The following DNMT3B variants were observed in gnomAD, a reference collection of about 807,000 sequenced individuals.
DNMT3B encodes the protein DNA (cytosine-5)-methyltransferase 3B.
DNMT3B carries 37 observed loss-of-function variants against 120.2 expected under a neutral mutation model. That is an observed-to-expected ratio of 0.31 (90% CI 0.24 to 0.40). The LOEUF is 0.40. DNMT3B is among the 10% of genes least tolerant of loss of function. The pLI, the probability that DNMT3B is intolerant of heterozygous loss-of-function variation, is 1.00. For synonymous variants in DNMT3B, 412 were observed against 442.8 expected (o/e 0.93, Z 0.87); for missense variants, 878 against 1,137.3 (o/e 0.77, Z 3.28).
At chr20:32,794,429 C>T (rs550910805) in intron 10 of DNMT3B, among the ~76,000 whole-genome samples, 1 of 151,358 alleles carries the variant, frequency 6.6e-6, no homozygotes, top group Non-Finnish European at 1.5e-5. Flanking sequence ...TGCCTGTAAT[C>T]CCAGCACTTT....
At chr20:32,785,634 T>C (rs1047554304) in intron 4 of DNMT3B, among the ~76,000 whole-genome samples, 7 of 152,168 alleles carry the variant, frequency 4.6e-5, no homozygotes, top group Non-Finnish European at 1.0e-4. Context: ...TATCATCCCC[T>C]TTGTGGAGAT....
Position 32,762,625 on chromosome 20 carries a change from C to G in DNMT3B, c.-81C>G, listed in dbSNP as rs1334717892. The G allele has an allele frequency of 1.4e-4, 38 of 281,404 alleles. No individual in the cohort carries two copies. The highest frequency in any genetic ancestry group is 1.4e-3 in the Admixed American group (37 of 27,402). 17.4% of individuals were successfully genotyped at this position (281,404 alleles called of 1,614,324 possible). Reference sequence around the variant, plus strand: ...GCGAGCCCAGCGCCCTGCACGGCCGCCAGCCGGCCTCCCGCCAGCCAGCCC... The same window carrying G: ...GCGAGCCCAGCGCCCTGCACGGCCGGCAGCCGGCCTCCCGCCAGCCAGCCC... On this transcript the variant is annotated 5_prime_UTR_variant, in exon 1 of 23. Transcript: ENST00000328111.
chr20:32,762,858 C>G (rs742630), intron 1 of DNMT3B, among the ~76,000 whole-genome samples, 159 bp downstream of exon 1: 85,732 of 151,558 alleles, frequency 0.57, 27,496 homozygotes, highest in East Asian at 0.93. Flanking sequence ...GCTGGGTTTG[C>G]GGGGTGAGGA....
chr20:32,786,467 C>T (rs1356247148), intron 4 of DNMT3B, 35 bp from the exon 5 acceptor site: 1 of 1,613,654 alleles, frequency 6.2e-7, no homozygotes. Flanking sequence ...CCTCCAGTCA[C>T]CTAAGGCCCA....
At chr20:32,780,134 C>T (rs1978407164) in intron 1 of DNMT3B, 184 bp from the exon 2 acceptor site, 1 of 1,613,822 alleles carries the variant, frequency 6.2e-7, no homozygotes. Flanking sequence ...AAGTCCTGAG[C>T]CTCCAAGCTT....
intron 8 of DNMT3B, 21 bp from the exon 9 acceptor site, chr20:32,792,605 T>C: frequency 6.2e-7 from 1 of 1,613,956 alleles, no homozygotes; most frequent in Non-Finnish European, 8.5e-7. Flanking sequence ...CCCCCATTCA[T>C]CACAGACTCT....
At position 32,791,599 on chromosome 20, in the gene DNMT3B, A is replaced by G; in HGVS notation, c.814-2A>G. 1 of 1,614,086 alleles carries G rather than the reference A, an allele frequency of 6.2e-7. No homozygotes were observed. The highest frequency in any genetic ancestry group is 8.5e-7 in the Non-Finnish European group (1 of 1,179,942). On this transcript the variant is annotated splice_acceptor_variant, in intron 7 of 22. Coordinates refer to ENST00000328111, the MANE Select transcript of DNMT3B (RefSeq NM_006892.4). LOFTEE classifies it high-confidence loss of function. Reference sequence around the variant, plus strand: ...GATGTTGATGATGTCTTTCTCTTTTAGGTCTCTGCAGACAAACTGGTGGCA... The same window carrying G: ...GATGTTGATGATGTCTTTCTCTTTTGGGTCTCTGCAGACAAACTGGTGGCA...
intron 14 of DNMT3B, among the ~76,000 whole-genome samples, 199 bp downstream of exon 14, chr20:32,797,498 G>A (rs1980785015): frequency 6.6e-6 from 1 of 152,200 alleles, no homozygotes; most frequent in Admixed American, 6.5e-5. Context: ...CATGTATAGG[G>A]AACGGCTCTT....
chr20:32,772,066 C>G (rs1377897120), intron 1 of DNMT3B, among the ~76,000 whole-genome samples: 1 of 152,170 alleles, frequency 6.6e-6, no homozygotes, highest in Non-Finnish European at 1.5e-5. Context: ...ACAATAAGTA[C>G]TGCACTCTTT....
In DNMT3B at chr20:32,781,356, GAAGATC is replaced by G; in HGVS notation, c.150_155del (p.Arg50_Ser51del). ...CTCCTGGCTGTTTCCTCTACAGGCC[GAAGATC>G]AAGCTCGCGACTCTCCAAGAGGGAG... On this transcript the variant is annotated inframe_deletion, in exon 3 of 23. Coordinates refer to ENST00000328111, the MANE Select transcript of DNMT3B (RefSeq NM_006892.4). 1.9e-6 allele frequency: 3 copies of G among 1,614,114 alleles called. No homozygotes were observed. Among genetic ancestry groups the G allele is most frequent in the Non-Finnish European group, 2.5e-6 (3 of 1,180,030 alleles).
chr20:32,800,957 G>C, intron 18 of DNMT3B, 32 bp downstream of exon 18: 1 of 1,612,526 alleles, frequency 6.2e-7, no homozygotes, highest in Non-Finnish European at 8.5e-7. Flanking sequence ...AGTCCCTGGA[G>C]AGCCTATGTC....
At chr20:32,805,542 A>G (rs1981874805) in intron 21 of DNMT3B, 135 bp downstream of exon 21, 1 of 954,320 alleles carries the variant, frequency 1.0e-6, no homozygotes, top group South Asian at 1.4e-5. Context: ...TCCCTCTCCC[A>G]CATGATTGTT....
At chr20:32,795,071 C>T (rs1031644596) in intron 10 of DNMT3B, among the ~76,000 whole-genome samples, 3 of 152,196 alleles carry the variant, frequency 2.0e-5, no homozygotes, top group African/African-American at 7.2e-5. Flanking sequence ...AGTAGCCACC[C>T]CCTATGCCTA....
intron 1 of DNMT3B, among the ~76,000 whole-genome samples, chr20:32,765,069 G>A (rs1219302054): frequency 1.3e-5 from 2 of 152,112 alleles, no homozygotes; most frequent in Middle Eastern, 3.2e-3. Flanking sequence ...AGGCTCAGAC[G>A]CCTTTTCCAG....
chr20:32,792,771 G>A lies in DNMT3B; in HGVS notation c.1066+1G>A. ...CTCAAACCCAACAACACGCAACCAG[G>A]TGGGAATGAGTCCCCATGGCAGCAC... On this transcript the variant is annotated splice_donor_variant, in intron 9 of 22. Coordinates refer to ENST00000328111, the MANE Select transcript of DNMT3B (RefSeq NM_006892.4). LOFTEE classifies it high-confidence loss of function. 1 of 1,614,004 alleles carries A rather than the reference G, an allele frequency of 6.2e-7. No homozygotes were observed. The highest frequency in any genetic ancestry group is 8.5e-7 in the Non-Finnish European group (1 of 1,179,938).
intron 1 of DNMT3B, among the ~76,000 whole-genome samples, chr20:32,770,031 C>A (rs1987623042): frequency 6.6e-6 from 1 of 152,158 alleles, no homozygotes; most frequent in African/African-American, 2.4e-5. Context: ...AACTCCAATG[C>A]TCCAGCAGTC....
intron 20 of DNMT3B, among the ~76,000 whole-genome samples, chr20:32,803,683 T>A (rs1981638449): frequency 6.6e-6 from 1 of 152,086 alleles, no homozygotes; most frequent in Non-Finnish European, 1.5e-5. Context: ...CTAGCGAAGG[T>A]CCTAAGTGAA....
chr20:32,782,121 C>T (rs1978697220), intron 3 of DNMT3B, among the ~76,000 whole-genome samples: 1 of 152,186 alleles, frequency 6.6e-6, no homozygotes, highest in Non-Finnish European at 1.5e-5. Flanking sequence ...AAAATAAATG[C>T]ATGCTAGTTT....
At chr20:32,801,591 A>T (rs1260539256) in intron 19 of DNMT3B, among the ~76,000 whole-genome samples, 165 bp downstream of exon 19, 1 of 152,070 alleles carries the variant, frequency 6.6e-6, no homozygotes, top group Non-Finnish European at 1.5e-5. Flanking sequence ...GTACATGGAA[A>T]ATATTTTTTT....
Sources: gnomAD v4.1 joint callset for allele counts (sites outside exome capture counted in the v4.1 genomes callset) on GRCh38, gnomAD v4.1.1 for gene constraint, MANE v1.5 for transcripts, NCBI Gene and HGNC (gene_info 2026-07-23, HGNC 2026-07-21) for gene names.